ITFG1: variants seen among roughly 807,000 people sequenced by gnomAD.
The protein encoded by ITFG1 is integrin alpha FG-GAP repeat containing 1, also known as T-cell immunomodulatory protein.
Under a neutral mutation model 81.8 loss-of-function variants are expected in ITFG1, and 34 were observed. That is an observed-to-expected ratio of 0.42 (90% CI 0.32 to 0.55). The LOEUF is 0.55. ITFG1 is among the 20% of genes least tolerant of loss of function. ITFG1 has a pLI of 0.17. For synonymous variants in ITFG1, 285 were observed against 270.6 expected (o/e 1.05, Z -0.52); for missense variants, 672 against 755.4 (o/e 0.89, Z 1.29).
chr16:47,337,120 A>G (rs1967715229), intron 8 of ITFG1, among the ~76,000 whole-genome samples: 1 of 148,372 alleles, frequency 6.7e-6, no homozygotes, highest in African/African-American at 2.5e-5. Context: ...CCTGGGTGAC[A>G]AGAGCGAACT....
At chr16:47,244,591 T>G (rs945356744) in intron 12 of ITFG1, among the ~76,000 whole-genome samples, 3 of 118,226 alleles carry the variant, frequency 2.5e-5, no homozygotes, top group African/African-American at 9.8e-5. Context: ...ATTCCATCTT[T>G]TGTGTGTGTG....
chr16:47,180,352 GCCCTCTCCCTCTCCCTCC>G (rs1567415387), intron 14 of ITFG1, among the ~76,000 whole-genome samples: 6 of 151,512 alleles, frequency 4.0e-5, no homozygotes, highest in Non-Finnish European at 8.8e-5. Context: ...TGGTATTATT[GCCCTCTCCCTCTCCCTCC>G]CCCTCCCCCT....
chr16:47,239,707 T>C (rs921170022), intron 12 of ITFG1, among the ~76,000 whole-genome samples: 4 of 152,210 alleles, frequency 2.6e-5, no homozygotes, highest in African/African-American at 9.6e-5. Flanking sequence ...TTAAATTTCC[T>C]ACCCCAGCAG....
At chr16:47,244,866 TGAGATGGCAGCCACCTAGAAACCA>T (rs747878093) in intron 12 of ITFG1, among the ~76,000 whole-genome samples, 48 of 152,230 alleles carry the variant, frequency 3.2e-4, no homozygotes, top group Non-Finnish European at 6.0e-4. Flanking sequence ...GAGAGCACAC[TGAGATGGCAGCCACCTAGAAACCA>T]GGAGATGAGG....
At chr16:47,183,192 G>A (rs571131697) in intron 14 of ITFG1, among the ~76,000 whole-genome samples, 23 of 152,342 alleles carry the variant, frequency 1.5e-4, no homozygotes, top group Admixed American at 1.4e-3. Context: ...AGGCGGCAGC[G>A]AGGCTGGGGG....
chr16:47,327,170 A>G (rs897644352), intron 8 of ITFG1, among the ~76,000 whole-genome samples: 1 of 152,156 alleles, frequency 6.6e-6, no homozygotes, highest in Non-Finnish European at 1.5e-5. Flanking sequence ...AAATAATGTC[A>G]CATATCTACA....
chr16:47,204,888 T>C (rs939546509), intron 14 of ITFG1, among the ~76,000 whole-genome samples: 4 of 152,228 alleles, frequency 2.6e-5, no homozygotes, highest in Non-Finnish European at 5.9e-5. Flanking sequence ...TGTCAGGAAC[T>C]AAGCTTCAAT....
intron 12 of ITFG1, among the ~76,000 whole-genome samples, chr16:47,251,418 C>G (rs891518738): frequency 3.4e-4 from 52 of 152,192 alleles, no homozygotes; most frequent in African/African-American, 1.2e-3. Context: ...GTCTGATGGG[C>G]AGAAGTATAT....
At chr16:47,246,611 G>A (rs1310936237) in intron 12 of ITFG1, among the ~76,000 whole-genome samples, 2 of 152,078 alleles carry the variant, frequency 1.3e-5, no homozygotes, top group East Asian at 1.9e-4. Context: ...ACATCTATAC[G>A]GCTATGCAGC....
At chr16:47,286,442 C>T (rs990909250) in intron 10 of ITFG1, among the ~76,000 whole-genome samples, 2 of 152,100 alleles carry the variant, frequency 1.3e-5, no homozygotes, top group South Asian at 4.2e-4. Flanking sequence ...CAGTTCTAGA[C>T]CAGCCTGGCC....
At chr16:47,257,901 G>C (rs905150696) in intron 12 of ITFG1, among the ~76,000 whole-genome samples, 3 of 152,144 alleles carry the variant, frequency 2.0e-5, no homozygotes, top group East Asian at 1.9e-4. Context: ...TGGGACAAGG[G>C]GGGTACAAGA....
At chr16:47,419,201 C>T (rs951670113) in intron 6 of ITFG1, among the ~76,000 whole-genome samples, 3 of 152,082 alleles carry the variant, frequency 2.0e-5, no homozygotes, top group Non-Finnish European at 4.4e-5. Context: ...CAAGGTGGAG[C>T]GTAGTTGCTA....
chr16:47,421,129 A>T (rs112026840), intron 6 of ITFG1, among the ~76,000 whole-genome samples: 57 of 152,162 alleles, frequency 3.7e-4, no homozygotes, highest in African/African-American at 1.3e-3. Flanking sequence ...TTCAGTCTAT[A>T]CATGTTGTTA....
chr16:47,322,965 G>C (rs1277573979), intron 8 of ITFG1, among the ~76,000 whole-genome samples: 1 of 149,890 alleles, frequency 6.7e-6, no homozygotes, highest in Non-Finnish European at 1.5e-5. Context: ...TCTATTTATT[G>C]TTCTGATTGA....
intron 14 of ITFG1, among the ~76,000 whole-genome samples, chr16:47,209,124 G>C (rs1267921952): frequency 6.6e-6 from 1 of 152,102 alleles, no homozygotes; most frequent in Non-Finnish European, 1.5e-5. Context: ...TAACGAAGTG[G>C]TTCCCACCTA....
At chr16:47,292,445 A>T (rs2151555375) in intron 10 of ITFG1, among the ~76,000 whole-genome samples, 1 of 152,312 alleles carries the variant, frequency 6.6e-6, no homozygotes, top group South Asian at 2.1e-4. Context: ...TTATTGTGCC[A>T]GTTGGGAATA....
intron 8 of ITFG1, among the ~76,000 whole-genome samples, chr16:47,363,229 T>G (rs545676046): frequency 1.4e-4 from 21 of 152,288 alleles, no homozygotes; most frequent in African/African-American, 4.6e-4. Context: ...GGATGTTACC[T>G]TTAAAATCAG....
intron 10 of ITFG1, among the ~76,000 whole-genome samples, chr16:47,271,160 T>C (rs1463281064): frequency 1.3e-5 from 2 of 152,166 alleles, no homozygotes; most frequent in Non-Finnish European, 2.9e-5. Flanking sequence ...CTTCAAATAC[T>C]ATCAAGAAAG....
At chr16:47,325,988 T>A (rs112216093) in intron 8 of ITFG1, among the ~76,000 whole-genome samples, 2 of 152,076 alleles carry the variant, frequency 1.3e-5, no homozygotes, top group African/African-American at 2.4e-5. Context: ...GCCAGCATCA[T>A]CCTGATAACA....
Sources: gnomAD v4.1 joint callset for allele counts (sites outside exome capture counted in the v4.1 genomes callset) on GRCh38, gnomAD v4.1.1 for gene constraint, MANE v1.5 for transcripts, NCBI Gene and HGNC (gene_info 2026-07-23, HGNC 2026-07-21) for gene names.